The following BMPR1A variants were observed in gnomAD, a reference collection of about 807,000 sequenced individuals.
BMPR1A encodes bone morphogenetic protein receptor type-1A.
In BMPR1A, 7 loss-of-function variants were observed where a neutral mutation model predicts 66.0. That is an observed-to-expected ratio of 0.11 (90% CI 0.06 to 0.20). BMPR1A has a LOEUF of 0.20. Among genes scored for constraint, BMPR1A ranks in the 10% least tolerant of loss-of-function variants. The probability of loss-of-function intolerance (pLI) is 1.00; values close to 1 mark genes in which losing one functional copy is unlikely to be tolerated. For missense variants in BMPR1A, 408 were observed against 669.1 expected, an observed-to-expected ratio of 0.61 and a Z score of 4.31; for synonymous variants, 200 against 229.7, an observed-to-expected ratio of 0.87 and a Z score of 1.17.
chr10:86,887,024 G>C (rs1416865405), intron 3 of BMPR1A, among the ~76,000 whole-genome samples: 17 of 151,644 alleles, frequency 1.1e-4, no homozygotes, highest in Admixed American at 1.1e-3. Flanking sequence ...GTAGAGACGG[G>C]GTTTCACCAT....
At chr10:86,807,566 A>G (rs1234000584) in intron 1 of BMPR1A, among the ~76,000 whole-genome samples, 1 of 152,082 alleles carries the variant, frequency 6.6e-6, no homozygotes, top group Admixed American at 6.6e-5. Context: ...TTTTTTGTGT[A>G]GAGACAGAGT....
chr10:86,916,128 A>G (rs1304910779), intron 8 of BMPR1A, among the ~76,000 whole-genome samples: 1 of 152,242 alleles, frequency 6.6e-6, no homozygotes, highest in Admixed American at 6.5e-5. Context: ...ACCCAGCGAC[A>G]GGAATAAGCT....
chr10:86,801,124 T>A (rs982741365), intron 1 of BMPR1A, among the ~76,000 whole-genome samples: 5 of 152,222 alleles, frequency 3.3e-5, no homozygotes, highest in African/African-American at 1.2e-4. Flanking sequence ...GCTTATTTTT[T>A]AAATTCTTTA....
At position 86,925,227 on chromosome 10, in the gene BMPR1A, A is replaced by G. The variant is rs905632331; in HGVS notation, c.*1508A>G. 8.8e-6 allele frequency: 2 copies of G among 228,110 alleles called. No homozygotes were observed. The highest frequency in any genetic ancestry group is 4.4e-5 in the African/African-American group (2 of 45,112). 14.1% of individuals were successfully genotyped at this position (228,110 alleles called of 1,614,324 possible). On this transcript the variant is annotated 3_prime_UTR_variant, in exon 13 of 13. Coordinates refer to ENST00000372037, the MANE Select transcript of BMPR1A (RefSeq NM_004329.3). ...CAAGAAATCTGATTTACATAAACTT[A>G]TACTTCTTTAATGCTTTTTAAATAT...
chr10:86,840,220 G>A (rs930698043), intron 2 of BMPR1A, among the ~76,000 whole-genome samples: 10 of 152,168 alleles, frequency 6.6e-5, no homozygotes, highest in African/African-American at 2.2e-4. Flanking sequence ...TACACTTCTG[G>A]AAGTGGCAGG....
At chr10:86,772,791 C>T (rs919138095) in intron 1 of BMPR1A, among the ~76,000 whole-genome samples, 9 of 152,064 alleles carry the variant, frequency 5.9e-5, no homozygotes, top group African/African-American at 2.2e-4. Context: ...TTTAAAGTTT[C>T]TTTTCAAAAC....
intron 2 of BMPR1A, among the ~76,000 whole-genome samples, chr10:86,848,430 T>G (rs1460049606): frequency 6.6e-6 from 1 of 152,148 alleles, no homozygotes; most frequent in Non-Finnish European, 1.5e-5. Context: ...TTGGTAGGCC[T>G]CCTTGTACTT....
intron 2 of BMPR1A, among the ~76,000 whole-genome samples, chr10:86,848,530 C>T (rs970722103): frequency 1.3e-5 from 2 of 151,954 alleles, no homozygotes; most frequent in Non-Finnish European, 2.9e-5. Context: ...TTCAAAGAGC[C>T]AGCATTTTGG....
chr10:86,921,422 A>G, intron 10 of BMPR1A, 98 bp from the exon 11 acceptor site: 1 of 1,504,950 alleles, frequency 6.6e-7, no homozygotes, highest in Non-Finnish European at 9.1e-7. Flanking sequence ...ATCTGGCCCC[A>G]AGGAGAAAAA....
intron 7 of BMPR1A, among the ~76,000 whole-genome samples, chr10:86,900,545 T>C (rs181619318): frequency 6.6e-6 from 1 of 151,974 alleles, no homozygotes; most frequent in South Asian, 2.1e-4. Flanking sequence ...CAGTCCCTAA[T>C]GGATATAAAC....
rs1474510520 is a variant in BMPR1A, at chr10:86,756,790, G to T, written c.-397G>T. The stretch of plus-strand genomic sequence containing the variant: ...GCGGCGAAGATCGCACGGCCCGATC[G>T]AGGGGCGACCGGGTCGGGGCCGCTG... On this transcript the variant is annotated 5_prime_UTR_variant, in exon 1 of 13. Coordinates refer to ENST00000372037, the MANE Select transcript of BMPR1A (RefSeq NM_004329.3). The T allele has an allele frequency of 6.6e-6, 1 of 151,302 alleles. No individual in the cohort carries two copies. Among genetic ancestry groups the T allele is most frequent in the Non-Finnish European group, 1.5e-5 (1 of 67,750 alleles). 9.4% of individuals were successfully genotyped at this position (151,302 alleles called of 1,614,324 possible).
intron 1 of BMPR1A, among the ~76,000 whole-genome samples, chr10:86,777,412 T>C (rs1262517356): frequency 6.6e-6 from 1 of 152,032 alleles, no homozygotes; most frequent in Non-Finnish European, 1.5e-5. Context: ...AAACACTGTG[T>C]CTGCAAAAAA....
intron 3 of BMPR1A, among the ~76,000 whole-genome samples, chr10:86,883,260 A>C (rs1002785573): frequency 6.6e-6 from 1 of 152,110 alleles, no homozygotes; most frequent in African/African-American, 2.4e-5. Flanking sequence ...AGGCTGAGGC[A>C]GGCAGATCAC....
chr10:86,903,827 C>T (rs1209707906), intron 7 of BMPR1A, among the ~76,000 whole-genome samples: 8 of 152,012 alleles, frequency 5.3e-5, no homozygotes, highest in African/African-American at 1.7e-4. Flanking sequence ...CAGATGGTCT[C>T]GATCTCCTGA....
At chr10:86,770,882 GCCTTAAGTTCCCATTA>G (rs966350958) in intron 1 of BMPR1A, among the ~76,000 whole-genome samples, 23 of 152,156 alleles carry the variant, frequency 1.5e-4, no homozygotes, top group African/African-American at 3.6e-4. Flanking sequence ...TTTGTTAAGA[GCCTTAAGTTCCCATTA>G]CCTTAAGTTC....
intron 2 of BMPR1A, among the ~76,000 whole-genome samples, chr10:86,849,148 T>C (rs1437757364): frequency 2.0e-5 from 3 of 152,378 alleles, no homozygotes; most frequent in South Asian, 2.1e-4. Context: ...GAGAATCTTA[T>C]GAATTAATTC....
chr10:86,770,434 TG>T (rs1177107835), intron 1 of BMPR1A, among the ~76,000 whole-genome samples: 1 of 151,882 alleles, frequency 6.6e-6, no homozygotes, highest in Non-Finnish European at 1.5e-5. Flanking sequence ...ATACAACAAA[TG>T]GAGGGTGAGC....
At chr10:86,787,983 G>A (rs1448872821) in intron 1 of BMPR1A, among the ~76,000 whole-genome samples, 2 of 152,018 alleles carry the variant, frequency 1.3e-5, no homozygotes, top group African/African-American at 2.4e-5. Flanking sequence ...GCCAAGCCAT[G>A]TCAGTCAGTA....
chr10:86,788,021 G>A (rs1841543049), intron 1 of BMPR1A, among the ~76,000 whole-genome samples: 1 of 152,130 alleles, frequency 6.6e-6, no homozygotes, highest in African/African-American at 2.4e-5. Flanking sequence ...CATAGAGGAA[G>A]AGAATTTGAC....
Sources: gnomAD v4.1 joint callset for allele counts (sites outside exome capture counted in the v4.1 genomes callset) on GRCh38, gnomAD v4.1.1 for gene constraint, MANE v1.5 for transcripts, NCBI Gene and HGNC (gene_info 2026-07-23, HGNC 2026-07-21) for gene names.